RFX4: variants seen among roughly 807,000 people sequenced by gnomAD.
RFX4 encodes the protein regulatory factor X4.
Under a neutral mutation model 95.0 loss-of-function variants are expected in RFX4, and 10 were observed. The observed-to-expected ratio is 0.11, with a 90% confidence interval of 0.06 to 0.18. The LOEUF (loss-of-function observed/expected upper bound fraction) is 0.18. Ranked by LOEUF, RFX4 falls within the 10% of genes least tolerant of loss-of-function variation. The pLI, the probability that RFX4 is intolerant of heterozygous loss-of-function variation, is 1.00. For missense variants in RFX4, 640 were observed against 922.0 expected, an observed-to-expected ratio of 0.69 and a Z score of 3.96; for synonymous variants, 321 against 340.7, an observed-to-expected ratio of 0.94 and a Z score of 0.64.
At chr12:106,611,457 C>T (rs982194111) in intron 2 of RFX4, among the ~76,000 whole-genome samples, 5 of 150,086 alleles carry the variant, frequency 3.3e-5, no homozygotes. Flanking sequence ...CATTTAGATT[C>T]GTGATCTGTT....
At position 106,586,803 on chromosome 12, in the gene RFX4, C is replaced by T. The variant is rs982970196; in HGVS notation, c.43+3440C>T. ...ATGTCCAGTGGCCTTGGCGCCGTGC[C>T]CACAAGGCAAAGTGCGTCCTGGAGG... On this transcript the variant is annotated intron_variant, in intron 1 of 17. Coordinates refer to ENST00000392842, the MANE Select transcript of RFX4 (RefSeq NM_213594.3). This position sits in a 1 kb window ranked among gnomAD's most constrained non-coding sequence, Gnocchi z 5.6. Among the ~76,000 whole-genome samples the T allele has an allele frequency of 6.6e-6, 1 of 152,242 alleles. No homozygotes were observed. Among genetic ancestry groups the T allele is most frequent in the Non-Finnish European group, 1.5e-5 (1 of 68,038 alleles).
At chr12:106,639,963 C>T in intron 3 of RFX4, among the ~76,000 whole-genome samples, 1 of 152,158 alleles carries the variant, frequency 6.6e-6, no homozygotes, top group Non-Finnish European at 1.5e-5. Context: ...GCTCTCTATG[C>T]CTGAGATTCA....
At chr12:106,693,908 G>A (rs1278148783) in intron 7 of RFX4, among the ~76,000 whole-genome samples, 1 of 152,176 alleles carries the variant, frequency 6.6e-6, no homozygotes, top group Non-Finnish European at 1.5e-5. Context: ...CATCTATGAT[G>A]TGCCAAGCAC....
intron 13 of RFX4, among the ~76,000 whole-genome samples, chr12:106,726,105 C>T (rs185039684): frequency 6.6e-5 from 10 of 151,882 alleles, no homozygotes; most frequent in East Asian, 3.9e-4. Context: ...AGAAATTAGC[C>T]GGGCATGTTG....
At chr12:106,592,378 C>G (rs949656398) in intron 1 of RFX4, among the ~76,000 whole-genome samples, 4 of 152,114 alleles carry the variant, frequency 2.6e-5, no homozygotes, top group Admixed American at 2.6e-4. Flanking sequence ...TTATATGCCC[C>G]TGTTTGCCAT....
At chr12:106,628,265 A>T (rs1276947928) in intron 2 of RFX4, among the ~76,000 whole-genome samples, 1 of 152,194 alleles carries the variant, frequency 6.6e-6, no homozygotes, top group Non-Finnish European at 1.5e-5. Context: ...CTGCCAGGCC[A>T]GGGCCCCTCC....
chr12:106,732,874 C>T (rs762509936), intron 14 of RFX4, 50 bp from the exon 15 acceptor site: 3 of 1,563,432 alleles, frequency 1.9e-6, no homozygotes, highest in Admixed American at 1.7e-5. Flanking sequence ...CTTTTAGAGA[C>T]ACTTGCCTTT....
At chr12:106,737,792 G>A (rs748355338) in intron 15 of RFX4, among the ~76,000 whole-genome samples, 3 of 152,108 alleles carry the variant, frequency 2.0e-5, no homozygotes, top group Non-Finnish European at 4.4e-5. Context: ...TTTCACTTTG[G>A]GTACACAGCT....
At chr12:106,730,920 A>G (rs1040806693) in intron 13 of RFX4, among the ~76,000 whole-genome samples, 3 of 152,176 alleles carry the variant, frequency 2.0e-5, no homozygotes, top group Non-Finnish European at 4.4e-5. Context: ...AAATTGCTTG[A>G]ACTCGGGAGG....
At chr12:106,603,033 G>A (rs1055833308) in intron 1 of RFX4, among the ~76,000 whole-genome samples, 1 of 152,246 alleles carries the variant, frequency 6.6e-6, no homozygotes, top group African/African-American at 2.4e-5. Context: ...TGTGTGTCCT[G>A]TTGAATAGCT....
chr12:106,623,496 G>C (rs2040227137), intron 2 of RFX4, among the ~76,000 whole-genome samples: 1 of 152,174 alleles, frequency 6.6e-6, no homozygotes, highest in Non-Finnish European at 1.5e-5. Context: ...ATTTGATTGT[G>C]CCTTGTCATC....
chr12:106,596,399 T>A (rs1298244668), intron 1 of RFX4, among the ~76,000 whole-genome samples: 2 of 152,220 alleles, frequency 1.3e-5, no homozygotes, highest in Admixed American at 1.3e-4. Flanking sequence ...GTGAGTCCAA[T>A]CAAACCTCTT....
rs776393140 is a variant in RFX4 at position 106,715,526 on chromosome 12, C to T, written c.1120C>T (p.Arg374Trp). 1.2e-5 allele frequency: 19 copies of T among 1,614,130 alleles called. No homozygotes were observed. Among genetic ancestry groups the T allele is most frequent in the Admixed American group, 1.7e-5 (1 of 60,018 alleles). The stretch of plus-strand genomic sequence containing the variant: ...CATGGAAGACTCTCGCGATGAGCAC[C>T]GGAAACTCATCACCCAATGTAAGCT... ...YTMEDSRDEH[R>W]KLITQLYQEF... The change falls in exon 11 of 18, where the codon CGG becomes TGG. Residue 374 changes from arginine to tryptophan, a missense_variant. By Grantham distance (101) the Arg-to-Trp change is moderately radical. Transcript: ENST00000392842.
In RFX4 at chr12:106,622,749, C is replaced by A. The variant is rs188482465; in HGVS notation, c.130+13866C>A. ...AGTTCTCCTGCCTCAGCCTCCTGAG[C>A]AGCTTGGACTACAGGCACGTGCCAC... On this transcript the variant is annotated intron_variant, in intron 2 of 17. Transcript: ENST00000392842. 4.2e-3 allele frequency among the ~76,000 whole-genome samples: 641 copies of A among 151,508 alleles called. 1 individual carries two copies. Among genetic ancestry groups the A allele is most frequent in the Middle Eastern group, 0.014 (4 of 288 alleles).
At chr12:106,757,496 T>G (rs2043129865) in intron 17 of RFX4, among the ~76,000 whole-genome samples, 1 of 144,964 alleles carries the variant, frequency 6.9e-6, no homozygotes, top group South Asian at 2.2e-4. Flanking sequence ...TGGAGTGAGC[T>G]GAAATCACCC....
chr12:106,632,034 A>G (rs2040425798), intron 2 of RFX4, among the ~76,000 whole-genome samples: 1 of 152,192 alleles, frequency 6.6e-6, no homozygotes, highest in Non-Finnish European at 1.5e-5. Flanking sequence ...TCCCTATTTT[A>G]CAGATAATGA....
chr12:106,711,503 C>T lies in RFX4; in HGVS notation c.985C>T (p.Leu329Phe). 1 of 1,614,024 alleles carries T rather than the reference C, an allele frequency of 6.2e-7. No individual in the cohort carries two copies. The highest frequency in any genetic ancestry group is 8.5e-7 in the Non-Finnish European group (1 of 1,179,856). Residue 329 changes from leucine to phenylalanine, a missense_variant, in exon 10 of 18, where the codon CTC becomes TTC. Leu to Phe is a conservative substitution (Grantham distance 22, BLOSUM62 0). Transcript: ENST00000392842. ...GAGACGGCAAACATCACTAAATCAT[C>T]TCTGCCAGGTAGCTGTCCTCCATTA... ...ILRRQTSLNH[L>F]CQASRTVIHS...
intron 3 of RFX4, chr12:106,645,954 A>G: frequency 2.3e-6 from 3 of 1,289,092 alleles, no homozygotes; most frequent in Non-Finnish European, 3.0e-6. Context: ...AAGCTGGACA[A>G]CCCAATGCCA....
Position 106,733,022 on chromosome 12 carries a change from G to A in RFX4, c.1570G>A (p.Val524Met). 1 of 1,614,204 alleles carries A rather than the reference G, an allele frequency of 6.2e-7. No individual in the cohort carries two copies. The highest frequency in any genetic ancestry group is 8.5e-7 in the Non-Finnish European group (1 of 1,180,038). ...AGCAAAATCTGCCACATCTGTGGAA[G>A]TGCCACCTCCCTCTTCCCCTGTTAG... Reference protein sequence around the residue: ...SPAKSATSVEVPPPSSPVSNP... With the variant: ...SPAKSATSVEMPPPSSPVSNP... The change falls in exon 15 of 18, where the codon GTG becomes ATG. Residue 524 changes from valine (V) to methionine (M), a missense_variant. By Grantham distance (21) the Val-to-Met change is conservative (BLOSUM62 1). This residue lies in a region of RFX4 where 300 missense variants were observed against 346.8 expected (regional missense o/e 0.87). Coordinates refer to ENST00000392842, the MANE Select transcript of RFX4 (RefSeq NM_213594.3).
Sources: allele counts gnomAD v4.1 joint callset (sites outside exome capture counted in the v4.1 genomes callset), GRCh38; gene constraint gnomAD v4.1.1; regional missense constraint gnomAD v4.1.1; non-coding constraint Gnocchi (gnomAD v3.1); transcripts MANE v1.5; gene names NCBI Gene and HGNC (gene_info 2026-07-23, HGNC 2026-07-21).